Variants in PPL observed in about 807,000 individuals in gnomAD.
PPL encodes the protein periplakin, also known as 190 kDa paraneoplastic pemphigus antigen.
In PPL, 198 loss-of-function variants were observed where a neutral mutation model predicts 194.4. The ratio of observed to expected loss-of-function variants is 1.02; its 90% CI spans 0.91 to 1.15. The LOEUF is 1.15. PPL is among the 50% of genes most tolerant of loss of function. PPL has a pLI of 0.00. For synonymous variants in PPL, 1,220 were observed against 972.4 expected (o/e 1.25, Z -4.74); for missense variants, 2,885 against 2,294.8 (o/e 1.26, Z -5.25).
At position 4,883,358 on chromosome 16, in the gene PPL, G is replaced by C. The variant is rs371249534; in HGVS notation, c.*26C>G. On this transcript the variant is annotated 3_prime_UTR_variant, in exon 22 of 22. Coordinates refer to ENST00000345988, the MANE Select transcript of PPL (RefSeq NM_002705.5). This position sits in a 1 kb window ranked among gnomAD's most constrained non-coding sequence, Gnocchi z 4.8. ...TCGTAGGAGAGGGCCAGCGTCTGCCGTTACGAAGAGTTGCAAGAGCTGTGC... is the reference window on the plus strand; with the variant it reads ...TCGTAGGAGAGGGCCAGCGTCTGCCCTTACGAAGAGTTGCAAGAGCTGTGC... 3.1e-6 allele frequency: 5 copies of C among 1,612,430 alleles called. No homozygotes were observed. Among genetic ancestry groups the C allele is most frequent in the South Asian group, 1.1e-5 (1 of 91,014 alleles).
chr16:4,901,159 G>C, intron 4 of PPL, 70 bp from the exon 5 acceptor site: 2 of 1,548,174 alleles, frequency 1.3e-6, no homozygotes, highest in Admixed American at 1.8e-5. Flanking sequence ...GCCACCCCAG[G>C]AGCCTCGGGG....
At chr16:4,936,380 G>A (rs1182011923) in intron 1 of PPL, among the ~76,000 whole-genome samples, 3 of 152,170 alleles carry the variant, frequency 2.0e-5, no homozygotes, top group East Asian at 3.9e-4. Context: ...CGCGGCTCTG[G>A]CGCGCAGGGT....
Position 4,926,883 on chromosome 16 carries a change from AAAAAAAAAAC to A in PPL, c.62+10091_62+10100del, listed in dbSNP as rs1317378118. 2.5e-3 allele frequency among the ~76,000 whole-genome samples: 340 copies of A among 138,138 alleles called. 2 individuals carry two copies. The highest frequency in any genetic ancestry group is 8.2e-3 in the African/African-American group (298 of 36,456). The allele number at this position is 138,138 out of a possible 152,430, so 90.6% of individuals were successfully genotyped here. A position where few individuals can be genotyped will look rare whatever the true frequency, so the allele number is the denominator to read the frequency against. ...AACAGAGCAAGACTCTGTCTCAAAA[AAAAAAAAAAC>A]AAAAAAAAACCAAAAACAAAGATTT... On this transcript the variant is annotated intron_variant, in intron 1 of 21. Coordinates refer to ENST00000345988, the MANE Select transcript of PPL (RefSeq NM_002705.5).
In PPL at chr16:4,899,322, G is replaced by T; in HGVS notation, c.669C>A (p.Thr223=). Residue 223 remains threonine, a synonymous_variant, in exon 7 of 22, where the codon ACC becomes ACA. Transcript: ENST00000345988. ...GCTGGTCCAGCCAGTACAGCTCATT[G>T]GTGCAGCGCTGCATGTAGTCCTGCA... ...SSLQDYMQRC[T]NELYWLDQQA... is the part of the protein sequence containing the mutation. The T allele has an allele frequency of 1.2e-6, 2 of 1,613,618 alleles. No individual in the cohort carries two copies. Among genetic ancestry groups the T allele is most frequent in the Non-Finnish European group, 1.7e-6 (2 of 1,179,970 alleles).
intron 1 of PPL, among the ~76,000 whole-genome samples, chr16:4,913,119 G>C (rs1596571931): frequency 6.6e-6 from 1 of 151,126 alleles, no homozygotes; most frequent in Non-Finnish European, 1.5e-5. Context: ...AAAAAAACAA[G>C]AAAAGAAAAA....
At chr16:4,922,920 T>C (rs1372785032) in intron 1 of PPL, among the ~76,000 whole-genome samples, 3 of 152,118 alleles carry the variant, frequency 2.0e-5, no homozygotes, top group African/African-American at 7.2e-5. Context: ...CTGGTGCCCA[T>C]ATATGGGTAA....
Position 4,930,834 on chromosome 16 carries a change from C to T in PPL, c.62+6150G>A, listed in dbSNP as rs140216511. 3.3e-4 allele frequency among the ~76,000 whole-genome samples: 51 copies of T among 152,340 alleles called. No individual in the cohort carries two copies. In the East Asian group the frequency reaches 8.5e-3, roughly 25 times the overall value. On this transcript the variant is annotated intron_variant, in intron 1 of 21. Transcript: ENST00000345988. ...GGCCGGGCACAGCGTGGAAACAAGACGGTGACAGGCACATGTTGATGTGCA... is the reference window on the plus strand; with the variant it reads ...GGCCGGGCACAGCGTGGAAACAAGATGGTGACAGGCACATGTTGATGTGCA...
At chr16:4,896,761 TC>T (rs2088438319) in intron 9 of PPL, among the ~76,000 whole-genome samples, 1 of 149,758 alleles carries the variant, frequency 6.7e-6, no homozygotes, top group Admixed American at 6.7e-5. Context: ...TGCCTCAGCC[TC>T]CCATCTGGGA....
At chr16:4,907,957 C>A (rs1239086472) in intron 2 of PPL, among the ~76,000 whole-genome samples, 1 of 151,524 alleles carries the variant, frequency 6.6e-6, no homozygotes, top group African/African-American at 2.4e-5. Context: ...AGTTTGAGAC[C>A]AGCCTGGCCA....
chr16:4,929,426 C>G (rs1389719355), intron 1 of PPL, among the ~76,000 whole-genome samples: 2 of 152,136 alleles, frequency 1.3e-5, no homozygotes, highest in Non-Finnish European at 2.9e-5. Flanking sequence ...CCCCCGCCAG[C>G]TGTGCCCCAC....
chr16:4,885,426 G>C lies in PPL; in HGVS notation c.3229C>G (p.His1077Asp). 6.2e-7 allele frequency: 1 copy of C among 1,612,646 alleles called. No individual in the cohort carries two copies. ...TCCCTGAGCTGGTCCTGGCGCTGGTGGTCCTCCTGCAGCTGCTGGTACTCT... is the reference window on the plus strand; with the variant it reads ...TCCCTGAGCTGGTCCTGGCGCTGGTCGTCCTCCTGCAGCTGCTGGTACTCT... ...EAEYQQLQED[H>D]QRQDQLREKQ... Residue 1077 changes from histidine (H) to aspartate (D), a missense_variant, in exon 22 of 22, where the codon CAC becomes GAC. Coordinates refer to ENST00000345988, the MANE Select transcript of PPL (RefSeq NM_002705.5). The surrounding 1 kb of genome is among the most constrained non-coding windows in gnomAD (Gnocchi z 6.3).
chr16:4,892,565 C>T (rs903224008), intron 14 of PPL, among the ~76,000 whole-genome samples: 7 of 152,178 alleles, frequency 4.6e-5, no homozygotes, highest in South Asian at 2.1e-4. Context: ...GGGGGTGTGA[C>T]GACTCCCAGC....
rs1423023589 is a variant in PPL at position 4,884,581 on chromosome 16, A to G, written c.4074T>C (p.Tyr1358=). The G allele has an allele frequency of 6.2e-7, 1 of 1,613,624 alleles. No homozygotes were observed. Among genetic ancestry groups the G allele is most frequent in the African/African-American group, 1.3e-5 (1 of 74,808 alleles). ...CGGCCCGCAGGCCTGGCTCCTCCTC[A>G]TACCTGACCACCTCCTGCTGCACCA... ...ERVVQQEVVR[Y]EEEPGLRAEA... Residue 1358 remains tyrosine, a synonymous_variant, in exon 22 of 22, where the codon TAT becomes TAC. Coordinates refer to ENST00000345988, the MANE Select transcript of PPL (RefSeq NM_002705.5). This position sits in a 1 kb window ranked among gnomAD's most constrained non-coding sequence, Gnocchi z 5.7.
intron 2 of PPL, among the ~76,000 whole-genome samples, chr16:4,907,862 G>A (rs184371666): frequency 6.6e-6 from 1 of 152,026 alleles, no homozygotes; most frequent in African/African-American, 2.4e-5. Flanking sequence ...TTCAGTTGAA[G>A]TTAAAAAAAT....
chr16:4,934,832 AC>A (rs2089274501), intron 1 of PPL, among the ~76,000 whole-genome samples: 1 of 151,850 alleles, frequency 6.6e-6, no homozygotes, highest in Admixed American at 6.6e-5. Context: ...GTACAGGGCT[AC>A]CCCCACCCCA....
Position 4,899,125 on chromosome 16 carries a change from A to C in PPL, c.769-5T>G, listed in dbSNP as rs1028183040. 3.1e-6 allele frequency: 5 copies of C among 1,613,614 alleles called. No homozygotes were observed. The African/African-American group carries it at 6.7e-5, about 22-fold the overall frequency. On this transcript the variant is annotated splice_polypyrimidine_tract_variant and splice_region_variant and intron_variant, in intron 7 of 21. Transcript: ENST00000345988. ...CAGGTTCCGGTTGATGAAATTCTGC[A>C]GTGGGGGGCAGTGGAGGGGCCTCAG...
intron 11 of PPL, 148 bp downstream of exon 11, chr16:4,895,113 T>C (rs1395482154): frequency 9.6e-7 from 1 of 1,042,542 alleles, no homozygotes; most frequent in African/African-American, 1.6e-5. Flanking sequence ...GGGTGCCAGT[T>C]GGCCTGCACC....
intron 2 of PPL, among the ~76,000 whole-genome samples, chr16:4,910,622 C>T (rs1238522240): frequency 4.6e-5 from 7 of 152,174 alleles, no homozygotes; most frequent in Non-Finnish European, 1.0e-4. Flanking sequence ...CTTGGCACCC[C>T]TGCCCTACAG....
intron 1 of PPL, among the ~76,000 whole-genome samples, chr16:4,935,428 G>A (rs906102675): frequency 6.6e-6 from 1 of 152,178 alleles, no homozygotes; most frequent in South Asian, 2.1e-4. Flanking sequence ...GGTTCTCCAC[G>A]GCTGGCACGG....
Sources: gnomAD v4.1 joint callset for allele counts (sites outside exome capture counted in the v4.1 genomes callset) on GRCh38, gnomAD v4.1.1 for gene constraint, Gnocchi (gnomAD v3.1) non-coding constraint, MANE v1.5 for transcripts, NCBI Gene and HGNC (gene_info 2026-07-23, HGNC 2026-07-21) for gene names.